The following CSNK1G1 variants were observed in gnomAD, a reference collection of about 807,000 sequenced individuals.
The protein encoded by CSNK1G1 is casein kinase I isoform gamma-1.
A neutral mutation model predicts 59.6 loss-of-function variants in CSNK1G1; 22 were observed. The observed-to-expected ratio is 0.37, with a 90% CI of 0.26 to 0.53. CSNK1G1 has a LOEUF of 0.53. CSNK1G1 is among the 20% of genes least tolerant of loss of function. The pLI, the probability that CSNK1G1 is intolerant of heterozygous loss-of-function variation, is 0.89. For synonymous variants in CSNK1G1, 179 were observed against 177.1 expected (o/e 1.01, Z -0.08); for missense variants, 384 against 519.5 (o/e 0.74, Z 2.54).
chr15:64,252,476 CT>C (rs1892143551), intron 3 of CSNK1G1, among the ~76,000 whole-genome samples: 1 of 151,930 alleles, frequency 6.6e-6, no homozygotes, highest in African/African-American at 2.4e-5. Context: ...ACCCAAAGTG[CT>C]GTGGGATTAT....
chr15:64,255,941 G>A (rs1331812831), intron 3 of CSNK1G1, among the ~76,000 whole-genome samples: 1 of 152,140 alleles, frequency 6.6e-6, no homozygotes, highest in East Asian at 1.9e-4. Context: ...ATTAGAGTTG[G>A]ACTTCAAGTG....
At position 64,167,483 on chromosome 15, in the gene CSNK1G1, G is replaced by C. The variant is rs2081615683; in HGVS notation, c.*4448C>G. The stretch of plus-strand genomic sequence containing the variant: ...GCAAAAGCAAGAACCCGAGAGATAA[G>C]TGCCTGTCACTTACGTGGCCAATTC... On this transcript the variant is annotated 3_prime_UTR_variant, in exon 12 of 12. Transcript: ENST00000303052. 1 of 152,686 alleles carries C rather than the reference G, an allele frequency of 6.5e-6. No individual in the cohort carries two copies. The highest frequency in any genetic ancestry group is 1.5e-5 in the Non-Finnish European group (1 of 68,050). 9.5% of individuals were successfully genotyped at this position (152,686 alleles called of 1,614,324 possible).
intron 7 of CSNK1G1, among the ~76,000 whole-genome samples, chr15:64,206,126 T>C (rs1157419839): frequency 6.6e-6 from 1 of 152,144 alleles, no homozygotes; most frequent in African/African-American, 2.4e-5. Context: ...ACCAACATGG[T>C]GAAACCCCGT....
chr15:64,342,192 C>T (rs1371602398), intron 1 of CSNK1G1, among the ~76,000 whole-genome samples: 1 of 152,314 alleles, frequency 6.6e-6, no homozygotes, highest in East Asian at 1.9e-4. Flanking sequence ...GCTTTAGAGG[C>T]AGAGATTCTT....
At chr15:64,245,387 T>C (rs965971897) in intron 4 of CSNK1G1, among the ~76,000 whole-genome samples, 1 of 152,206 alleles carries the variant, frequency 6.6e-6, no homozygotes, top group African/African-American at 2.4e-5. Flanking sequence ...AGGATATATA[T>C]GCAATTCAAA....
chr15:64,261,847 G>T (rs1361074930), intron 2 of CSNK1G1, among the ~76,000 whole-genome samples: 1 of 150,596 alleles, frequency 6.6e-6, no homozygotes, highest in African/African-American at 2.5e-5. Context: ...GGAGGCTGAG[G>T]CAGGAGAATC....
intron 1 of CSNK1G1, among the ~76,000 whole-genome samples, chr15:64,311,172 A>G (rs1004884763): frequency 4.0e-5 from 6 of 151,720 alleles, no homozygotes; most frequent in African/African-American, 1.2e-4. Context: ...CAGCCTCCCA[A>G]GTAGCTGGGA....
chr15:64,346,093 A>T (rs1330652071), intron 1 of CSNK1G1, among the ~76,000 whole-genome samples: 3 of 152,128 alleles, frequency 2.0e-5, no homozygotes, highest in Admixed American at 6.5e-5. Flanking sequence ...AAAAATTTGC[A>T]TAAACCAATT....
At position 64,210,689 on chromosome 15, in the gene CSNK1G1, A is replaced by G. The variant is rs2082238791; in HGVS notation, c.680-3095T>C. On this transcript the variant is annotated intron_variant, in intron 6 of 11. Transcript: ENST00000303052. This position sits in a 1 kb window ranked among gnomAD's most constrained non-coding sequence, Gnocchi z 4.2. ...TCACCCTAATTTCAACCATTAAATA[A>G]TATAAATTGGGCTTCTCAGTAAAAG... Among the ~76,000 whole-genome samples, 1 of 152,182 alleles carries G rather than the reference A, an allele frequency of 6.6e-6. No homozygotes were observed. Among genetic ancestry groups the G allele is most frequent in the African/African-American group, 2.4e-5 (1 of 41,446 alleles).
At chr15:64,343,295 T>C (rs981589941) in intron 1 of CSNK1G1, among the ~76,000 whole-genome samples, 1 of 150,744 alleles carries the variant, frequency 6.6e-6, no homozygotes, top group Non-Finnish European at 1.5e-5. Context: ...CCTCCCCACC[T>C]AGCACACACT....
intron 1 of CSNK1G1, among the ~76,000 whole-genome samples, chr15:64,326,982 G>A (rs1364659828): frequency 2.0e-5 from 3 of 150,902 alleles, no homozygotes; most frequent in African/African-American, 4.9e-5. Context: ...AAAAAACGGC[G>A]CACCACGAGA....
intron 4 of CSNK1G1, among the ~76,000 whole-genome samples, chr15:64,250,461 CA>C (rs1892013057): frequency 6.6e-6 from 1 of 152,066 alleles, no homozygotes; most frequent in Non-Finnish European, 1.5e-5. Flanking sequence ...TGAAATAGAA[CA>C]AACAGTATGA....
intron 2 of CSNK1G1, among the ~76,000 whole-genome samples, chr15:64,273,125 T>A (rs1177474379): frequency 6.6e-6 from 1 of 152,224 alleles, no homozygotes; most frequent in Non-Finnish European, 1.5e-5. Context: ...CTGCACTGTA[T>A]ATTTCAAGAT....
chr15:64,173,774 C>T (rs948791038), intron 11 of CSNK1G1, among the ~76,000 whole-genome samples: 1 of 151,714 alleles, frequency 6.6e-6, no homozygotes, highest in Non-Finnish European at 1.5e-5. Flanking sequence ...CCAGCACACC[C>T]GGCTAATTTT....
At chr15:64,222,647 T>G (rs1369956935) in intron 4 of CSNK1G1, among the ~76,000 whole-genome samples, 3 of 150,988 alleles carry the variant, frequency 2.0e-5, no homozygotes, top group Non-Finnish European at 4.4e-5. Flanking sequence ...ACTGGAAGTG[T>G]ATCTATCAGA....
chr15:64,351,760 T>C (rs1193394973), intron 1 of CSNK1G1, among the ~76,000 whole-genome samples: 2 of 151,936 alleles, frequency 1.3e-5, no homozygotes, highest in Non-Finnish European at 2.9e-5. Context: ...ACACCTGTAA[T>C]CCCAGCTAAT....
At chr15:64,186,362 C>T (rs1168249432) in intron 10 of CSNK1G1, among the ~76,000 whole-genome samples, 5 of 152,106 alleles carry the variant, frequency 3.3e-5, no homozygotes, top group African/African-American at 4.8e-5. Flanking sequence ...CTGCTCACCT[C>T]GGCCTCCCAA....
At chr15:64,296,771 G>A (rs1895041629) in intron 2 of CSNK1G1, among the ~76,000 whole-genome samples, 1 of 151,898 alleles carries the variant, frequency 6.6e-6, no homozygotes, top group Admixed American at 6.6e-5. Flanking sequence ...GGCTGAGACA[G>A]GAGAATCACT....
At chr15:64,196,286 A>G (rs2082037598) in intron 10 of CSNK1G1, among the ~76,000 whole-genome samples, 1 of 152,226 alleles carries the variant, frequency 6.6e-6, no homozygotes, top group African/African-American at 2.4e-5. Context: ...GTGAGTTTAA[A>G]TGCAGTCCTT....
Sources: allele counts gnomAD v4.1 joint callset (sites outside exome capture counted in the v4.1 genomes callset), GRCh38; gene constraint gnomAD v4.1.1; non-coding constraint Gnocchi (gnomAD v3.1); transcripts MANE v1.5; gene names NCBI Gene and HGNC (gene_info 2026-07-23, HGNC 2026-07-21).